Variants in RAB2A observed in about 807,000 individuals in gnomAD.
RAB2A encodes RAB2A, member RAS oncogene family, also known as ras-related protein Rab-2A.
Under a neutral mutation model 32.5 loss-of-function variants are expected in RAB2A, and 7 were observed. The ratio of observed to expected loss-of-function variants is 0.22; its 90% CI spans 0.12 to 0.40. RAB2A has a LOEUF of 0.40. Ranked by LOEUF, RAB2A falls within the 10% of genes least tolerant of loss-of-function variation. The pLI is 1.00. For missense variants in RAB2A, 108 were observed against 260.7 expected (o/e 0.41, Z 4.03); for synonymous variants, 79 against 85.2 (o/e 0.93, Z 0.40).
chr8:60,548,952 C>T (rs1331583184), intron 1 of RAB2A, among the ~76,000 whole-genome samples: 1 of 150,548 alleles, frequency 6.6e-6, no homozygotes, highest in Non-Finnish European at 1.5e-5. Context: ...AGGGTCTCCT[C>T]ACTTCTCAGA....
chr8:60,526,703 T>C (rs1021604799), intron 1 of RAB2A, among the ~76,000 whole-genome samples: 1 of 152,118 alleles, frequency 6.6e-6, no homozygotes, highest in African/African-American at 2.4e-5. Flanking sequence ...GGCATGATGG[T>C]TCACGCCTGT....
intron 1 of RAB2A, among the ~76,000 whole-genome samples, chr8:60,524,000 C>T (rs55825491): frequency 0.39 from 58,825 of 151,954 alleles, 11,490 homozygotes; most frequent in Middle Eastern, 0.55. Flanking sequence ...TTTTGACTAG[C>T]TCTTTTCTGT....
At chr8:60,557,601 C>G (rs1262652146) in intron 1 of RAB2A, among the ~76,000 whole-genome samples, 1 of 152,154 alleles carries the variant, frequency 6.6e-6, no homozygotes, top group Non-Finnish European at 1.5e-5. Flanking sequence ...TTGAGAGAGT[C>G]TCATTCTGTT....
At chr8:60,539,738 A>C (rs1382644136) in intron 1 of RAB2A, among the ~76,000 whole-genome samples, 2 of 152,156 alleles carry the variant, frequency 1.3e-5, no homozygotes, top group East Asian at 3.8e-4. Flanking sequence ...TAAGAGGGGG[A>C]ATGCGTTTTT....
At chr8:60,586,711 G>T (rs1402724826) in intron 5 of RAB2A, among the ~76,000 whole-genome samples, 2 of 152,018 alleles carry the variant, frequency 1.3e-5, no homozygotes, top group Non-Finnish European at 2.9e-5. Context: ...GAGGCAAGGA[G>T]TTCAAGACCA....
At chr8:60,596,782 G>A (rs1487482935) in intron 6 of RAB2A, among the ~76,000 whole-genome samples, 8 of 152,102 alleles carry the variant, frequency 5.3e-5, no homozygotes, top group African/African-American at 1.7e-4. Context: ...TTAGCCAGGC[G>A]TGGTGGCAGG....
At chr8:60,519,891 C>A (rs1468993611) in intron 1 of RAB2A, among the ~76,000 whole-genome samples, 2 of 152,088 alleles carry the variant, frequency 1.3e-5, no homozygotes, top group Non-Finnish European at 2.9e-5. Context: ...CTAATTTGGG[C>A]AAAATCCTTT....
chr8:60,531,255 C>T (rs766337055), intron 1 of RAB2A, among the ~76,000 whole-genome samples: 2 of 152,168 alleles, frequency 1.3e-5, no homozygotes, highest in African/African-American at 4.8e-5. Flanking sequence ...GTAGTCCTCG[C>T]TGGTTATTTT....
chr8:60,608,577 C>CCTT (rs1282907316), intron 6 of RAB2A, among the ~76,000 whole-genome samples: 3 of 150,112 alleles, frequency 2.0e-5, no homozygotes, highest in Non-Finnish European at 4.4e-5. Context: ...TTCTCCTTCT[C>CCTT]CTCCTCTCCC....
intron 1 of RAB2A, chr8:60,552,821 C>T (rs1368272329): frequency 6.6e-6 from 1 of 152,096 alleles, no homozygotes; most frequent in African/African-American, 2.4e-5. Flanking sequence ...TATCAGTCAA[C>T]AATTTAGACA....
In RAB2A at chr8:60,531,209, CT is replaced by C. The variant is rs1197058651; in HGVS notation, c.46+13960del. Among the ~76,000 whole-genome samples, 3 of 152,288 alleles carry C rather than the reference CT, an allele frequency of 2.0e-5. No individual in the cohort carries two copies. The East Asian group carries it at 5.8e-4, about 29-fold the overall frequency. On this transcript the variant is annotated intron_variant, in intron 1 of 7. Coordinates refer to ENST00000262646, the MANE Select transcript of RAB2A (RefSeq NM_002865.3). ...GCATTATTAAAATTGATGGATGACCCTTTTGCATTTGTCCTTCTTTAGAAAT... is the reference window on the plus strand; with the variant it reads ...GCATTATTAAAATTGATGGATGACCCTTTGCATTTGTCCTTCTTTAGAAAT...
Position 60,609,636 on chromosome 8 carries a change from T to C in RAB2A, c.475-8944T>C, listed in dbSNP as rs181425517. On this transcript the variant is annotated intron_variant, in intron 6 of 7. Transcript: ENST00000262646. The stretch of plus-strand genomic sequence containing the variant: ...AGGTAGAATTCTGTCCTAAACCTTA[T>C]CTTTGCCCAAGCATTTTAAAACATG... Among the ~76,000 whole-genome samples, 373 of 152,246 alleles carry C rather than the reference T, an allele frequency of 2.4e-3. 2 individuals carry two copies. The highest frequency in any genetic ancestry group is 8.7e-3 in the African/African-American group (361 of 41,540).
chr8:60,531,300 C>T (rs1411653479), intron 1 of RAB2A, among the ~76,000 whole-genome samples: 6 of 152,154 alleles, frequency 3.9e-5, no homozygotes, highest in African/African-American at 1.2e-4. Flanking sequence ...TTTCCGAGAG[C>T]CTGGTATTTG....
intron 3 of RAB2A, among the ~76,000 whole-genome samples, chr8:60,577,792 ATT>A (rs3055112): frequency 6.2e-5 from 7 of 112,938 alleles, no homozygotes; most frequent in South Asian, 3.3e-4. Flanking sequence ...CGCCCGGCTA[ATT>A]TTTTTTTTTT....
At chr8:60,618,493 G>T in intron 6 of RAB2A, 87 bp from the exon 7 acceptor site, 1 of 584,888 alleles carries the variant, frequency 1.7e-6, no homozygotes, top group Non-Finnish European at 2.5e-6. Context: ...TTCATATGTT[G>T]AATGTTATGA....
At chr8:60,611,633 C>T (rs886559593) in intron 6 of RAB2A, among the ~76,000 whole-genome samples, 1 of 152,150 alleles carries the variant, frequency 6.6e-6, no homozygotes, top group South Asian at 2.1e-4. Flanking sequence ...AATGGAAGAA[C>T]TAAATTGCTA....
chr8:60,598,058 C>T (rs1400315178), intron 6 of RAB2A, among the ~76,000 whole-genome samples: 5 of 152,120 alleles, frequency 3.3e-5, no homozygotes, highest in South Asian at 2.1e-4. Context: ...AGTAGCTGGG[C>T]GTGGTAGCAG....
chr8:60,615,856 G>A (rs528293632), intron 6 of RAB2A, among the ~76,000 whole-genome samples: 41 of 152,134 alleles, frequency 2.7e-4, no homozygotes, highest in Non-Finnish European at 4.3e-4. Context: ...GGTTTCAAAC[G>A]CAAAGGACTC....
At chr8:60,592,029 C>A in intron 6 of RAB2A, 60 bp downstream of exon 6, 1 of 960,928 alleles carries the variant, frequency 1.0e-6, no homozygotes, top group Non-Finnish European at 1.6e-6. Flanking sequence ...TTTTATATAT[C>A]TTCATTTTAC....
Sources: allele counts gnomAD v4.1 joint callset (sites outside exome capture counted in the v4.1 genomes callset), GRCh38; gene constraint gnomAD v4.1.1; transcripts MANE v1.5; gene names NCBI Gene and HGNC (gene_info 2026-07-23, HGNC 2026-07-21).